PCDHGB1: variants seen among roughly 807,000 people sequenced by gnomAD.
PCDHGB1 encodes protocadherin gamma subfamily B, 1, also known as protocadherin gamma-B1.
A neutral mutation model predicts 56.6 loss-of-function variants in PCDHGB1; 34 were observed. The observed-to-expected ratio is 0.60, with a 90% CI of 0.46 to 0.80. The LOEUF is 0.80. Among genes scored for constraint, PCDHGB1 ranks in the 30% least tolerant of loss-of-function variants. The pLI is 0.00. For synonymous variants in PCDHGB1, 561 were observed against 505.9 expected (o/e 1.11, Z -1.46); for missense variants, 1,278 against 1,204.6 (o/e 1.06, Z -0.90).
intron 1 of PCDHGB1, chr5:141,442,380 T>G (rs1235241143): frequency 2.6e-5 from 4 of 152,244 alleles, no homozygotes; most frequent in Non-Finnish European, 4.4e-5. Flanking sequence ...TCCTACCAGG[T>G]GTGTGCTTCT....
chr5:141,499,029 A>AAGGAAGGAAGGAAGGAAGG (rs1562187768), intron 2 of PCDHGB1, among the ~76,000 whole-genome samples: 3 of 140,076 alleles, frequency 2.1e-5, no homozygotes, highest in African/African-American at 8.3e-5. Flanking sequence ...AGGAAGGAAG[A>AAGGAAGGAAGGAAGGAAGG]AAAGAAAGAA....
rs1008664105 is a variant in PCDHGB1, at chr5:141,432,402, T to C, written c.2410-62405T>C. 6.2e-7 allele frequency: 1 copy of C among 1,614,194 alleles called. No homozygotes were observed. The highest frequency in any genetic ancestry group is 1.1e-5 in the South Asian group (1 of 91,082). On this transcript the variant is annotated intron_variant, in intron 1 of 3. Transcript: ENST00000523390. The surrounding 1 kb of genome is among the most constrained non-coding windows in gnomAD (Gnocchi z 6.0). ...CCGCCCCTCAGCAGCAACGTGTCGT[T>C]GAGCCTGTTCGTGCTGGACCAGAAC...
intron 1 of PCDHGB1, chr5:141,421,961 A>G: frequency 6.2e-7 from 1 of 1,612,542 alleles, no homozygotes; most frequent in Non-Finnish European, 8.5e-7. Context: ...ATGTTTACAC[A>G]GTCCGTATAT....
At chr5:141,468,597 T>C in intron 1 of PCDHGB1, 1 of 152,224 alleles carries the variant, frequency 6.6e-6, no homozygotes, top group East Asian at 1.9e-4. Context: ...CTGGGCGCGG[T>C]GGCTCACGCC....
chr5:141,353,958 T>G (rs1759426111), intron 1 of PCDHGB1, among the ~76,000 whole-genome samples: 2 of 152,250 alleles, frequency 1.3e-5, no homozygotes, highest in African/African-American at 4.8e-5. Flanking sequence ...AGGAATAAGC[T>G]TAAGAACTGA....
chr5:141,446,821 T>G (rs183143971), intron 1 of PCDHGB1, among the ~76,000 whole-genome samples: 2 of 152,184 alleles, frequency 1.3e-5, no homozygotes, highest in South Asian at 4.1e-4. Context: ...GTCAGATGGG[T>G]AGATCCTTAT....
At chr5:141,404,476 C>G (rs1453332441) in intron 1 of PCDHGB1, 3 of 1,613,362 alleles carry the variant, frequency 1.9e-6, no homozygotes, top group Non-Finnish European at 2.5e-6. Context: ...TCTCTATTAA[C>G]TCAGACACTG....
chr5:141,489,363 G>T lies in PCDHGB1; in HGVS notation c.2410-5444G>T, dbSNP rs767837736. 20 of 1,613,114 alleles carry T rather than the reference G, an allele frequency of 1.2e-5. No homozygotes were observed. Among genetic ancestry groups the T allele is most frequent in the Non-Finnish European group, 1.7e-5 (20 of 1,179,354 alleles). ...ACTCAGTGGTGGAGGAGTCTGAGCCGGGGACGCTGGTGGGGAATGTTGCTC... is the reference window on the plus strand; with the variant it reads ...ACTCAGTGGTGGAGGAGTCTGAGCCTGGGACGCTGGTGGGGAATGTTGCTC... On this transcript the variant is annotated intron_variant, in intron 1 of 3. Transcript: ENST00000523390. The surrounding 1 kb of genome is among the most constrained non-coding windows in gnomAD (Gnocchi z 4.5).
At chr5:141,379,014 T>G (rs1440666109) in intron 1 of PCDHGB1, 1 of 152,222 alleles carries the variant, frequency 6.6e-6, no homozygotes, top group East Asian at 1.9e-4. Flanking sequence ...TCTCCAGTCA[T>G]GAGTTGGAAG....
At chr5:141,481,913 C>CAAAAA (rs34114744) in intron 1 of PCDHGB1, among the ~76,000 whole-genome samples, 2 of 90,852 alleles carry the variant, frequency 2.2e-5, no homozygotes, top group Non-Finnish European at 4.4e-5. Flanking sequence ...AACTCCATCT[C>CAAAAA]AAAAAAAAAA....
intron 1 of PCDHGB1, chr5:141,417,697 C>T: frequency 8.8e-7 from 1 of 1,140,966 alleles, no homozygotes; most frequent in Non-Finnish European, 1.2e-6. Context: ...AAAACCAGCT[C>T]CCACACAGAG....
intron 1 of PCDHGB1, chr5:141,356,052 AAG>A (rs766597679): frequency 1.9e-6 from 3 of 1,613,984 alleles, no homozygotes; most frequent in Admixed American, 3.3e-5. Flanking sequence ...TCCGGAAAGT[AAG>A]AGACAAAATA....
Position 141,486,146 on chromosome 5 carries a change from G to A in PCDHGB1, c.2410-8661G>A, listed in dbSNP as rs533158692. The A allele has an allele frequency of 3.1e-6, 5 of 1,614,184 alleles. No homozygotes were observed. The highest frequency in any genetic ancestry group is 2.2e-5 in the East Asian group (1 of 44,876). The stretch of plus-strand genomic sequence containing the variant: ...TGAATTTGATGTGCGGGCTCGCGAT[G>A]GGGGTTCTCCAGCCATGGAGCAACA... On this transcript the variant is annotated intron_variant, in intron 1 of 3. Transcript: ENST00000523390. The surrounding 1 kb of genome is among the most constrained non-coding windows in gnomAD (Gnocchi z 5.0).
intron 1 of PCDHGB1, chr5:141,419,649 A>C: frequency 6.2e-7 from 1 of 1,612,422 alleles, no homozygotes; most frequent in Non-Finnish European, 8.5e-7. Context: ...GTGGACGCGG[A>C]CTCGGGGCAC....
chr5:141,483,509 C>A (rs2099582178), intron 1 of PCDHGB1, among the ~76,000 whole-genome samples: 1 of 147,450 alleles, frequency 6.8e-6, no homozygotes, highest in African/African-American at 2.5e-5. Flanking sequence ...AGGCTGATCC[C>A]CCTAGATCCT....
intron 1 of PCDHGB1, chr5:141,404,785 C>T (rs1028323734): frequency 1.9e-6 from 3 of 1,613,330 alleles, no homozygotes; most frequent in Admixed American, 1.7e-5. Context: ...TATTCAAGGC[C>T]AGTGAGCCAG....
chr5:141,425,576 G>A (rs2096883993), intron 1 of PCDHGB1, among the ~76,000 whole-genome samples: 1 of 152,166 alleles, frequency 6.6e-6, no homozygotes, highest in Non-Finnish European at 1.5e-5. Flanking sequence ...GAAGGGTTTG[G>A]CTAACTTTAT....
intron 1 of PCDHGB1, chr5:141,392,785 T>C: frequency 1.3e-6 from 2 of 1,549,118 alleles, no homozygotes; most frequent in Non-Finnish European, 1.7e-6. Flanking sequence ...ACAGTGAAGA[T>C]TCTGAGAGGA....
chr5:141,360,389 T>G, intron 1 of PCDHGB1: 1 of 1,613,908 alleles, frequency 6.2e-7, no homozygotes, highest in Non-Finnish European at 8.5e-7. Context: ...GGAGACTTAC[T>G]TGTGAGTGAC....
Sources: allele counts gnomAD v4.1 joint callset (sites outside exome capture counted in the v4.1 genomes callset), GRCh38; gene constraint gnomAD v4.1.1; non-coding constraint Gnocchi (gnomAD v3.1); transcripts MANE v1.5; gene names NCBI Gene and HGNC (gene_info 2026-07-23, HGNC 2026-07-21).